Variants in CRTC3 observed in about 807,000 individuals in gnomAD.
CRTC3 encodes CREB regulated transcription coactivator 3, also known as CREB-regulated transcription coactivator 3.
Under a neutral mutation model 74.5 loss-of-function variants are expected in CRTC3, and 26 were observed. The observed-to-expected ratio is 0.35, with a 90% confidence interval of 0.26 to 0.48. The LOEUF is 0.48. Among genes scored for constraint, CRTC3 ranks in the 20% least tolerant of loss-of-function variants. The pLI is 0.99. For synonymous variants in CRTC3, 377 were observed against 325.8 expected (o/e 1.16, Z -1.69); for missense variants, 760 against 787.3 (o/e 0.97, Z 0.41).
At chr15:90,580,903 T>C (rs971870241) in intron 2 of CRTC3, among the ~76,000 whole-genome samples, 4 of 152,026 alleles carry the variant, frequency 2.6e-5, no homozygotes, top group Admixed American at 6.5e-5. Context: ...CTTACCATGA[T>C]GAATTAAAAA....
intron 2 of CRTC3, among the ~76,000 whole-genome samples, chr15:90,560,684 A>G (rs1372852766): frequency 6.6e-6 from 1 of 152,178 alleles, no homozygotes; most frequent in Non-Finnish European, 1.5e-5. Context: ...TGGCTGTCAG[A>G]ACAATAGGGA....
chr15:90,606,546 A>T (rs1245432585), intron 5 of CRTC3, among the ~76,000 whole-genome samples: 1 of 152,186 alleles, frequency 6.6e-6, no homozygotes, highest in Admixed American at 6.5e-5. Context: ...TGGGCAACAG[A>T]GCGAGACTCT....
Position 90,629,407 on chromosome 15 carries a change from G to A in CRTC3, c.1141G>A (p.Gly381Ser), listed in dbSNP as rs753333935. 7.4e-6 allele frequency: 12 copies of A among 1,613,674 alleles called. No homozygotes were observed. The highest frequency in any genetic ancestry group is 1.7e-5 in the Admixed American group (1 of 59,936). The part of the protein sequence containing the change: ...NPSLSTTNLS[G>S]PSRRRQPPVS... The stretch of plus-strand genomic sequence containing the variant: ...ATCTCTTTCCACCACAAACCTGAGC[G>A]GCCCGTCTCGGCGTCGGCAGCCTCC... Residue 381 changes from glycine to serine, a missense_variant, in exon 11 of 15, where the codon GGC becomes AGC. By Grantham distance (56) the Gly-to-Ser change is moderately conservative (BLOSUM62 0). This residue lies in a region of CRTC3 where 652 missense variants were observed against 635.2 expected (regional missense o/e 1.03). Coordinates refer to ENST00000268184, the MANE Select transcript of CRTC3 (RefSeq NM_022769.5).
intron 10 of CRTC3, among the ~76,000 whole-genome samples, chr15:90,627,967 C>G (rs1449546633): frequency 6.8e-6 from 1 of 146,408 alleles, no homozygotes; most frequent in Non-Finnish European, 1.5e-5. Context: ...CCTGTAATCC[C>G]GGCACTTTGG....
chr15:90,636,794 C>G (rs566556056), intron 11 of CRTC3, among the ~76,000 whole-genome samples: 2 of 152,198 alleles, frequency 1.3e-5, no homozygotes, highest in South Asian at 2.1e-4. Flanking sequence ...CTAAAAGACA[C>G]ATGAAAAAAT....
At chr15:90,628,314 T>A (rs1968914280) in intron 10 of CRTC3, among the ~76,000 whole-genome samples, 1 of 152,170 alleles carries the variant, frequency 6.6e-6, no homozygotes, top group South Asian at 2.1e-4. Flanking sequence ...AACACTTAAA[T>A]TTTTTGTCAA....
At chr15:90,637,176 T>G (rs1335520343) in intron 11 of CRTC3, among the ~76,000 whole-genome samples, 2 of 152,242 alleles carry the variant, frequency 1.3e-5, no homozygotes, top group Admixed American at 6.5e-5. Flanking sequence ...AACGATAGAC[T>G]GGATTAAGAA....
chr15:90,561,063 G>T (rs762874033), intron 2 of CRTC3, among the ~76,000 whole-genome samples: 1 of 152,144 alleles, frequency 6.6e-6, no homozygotes, highest in African/African-American at 2.4e-5. Flanking sequence ...GCACTGGATC[G>T]TAGACAAGAT....
intron 2 of CRTC3, among the ~76,000 whole-genome samples, chr15:90,556,533 A>G (rs1966893663): frequency 6.6e-6 from 1 of 152,234 alleles, no homozygotes; most frequent in African/African-American, 2.4e-5. Context: ...AGTAGTTTGC[A>G]TATTTACTGA....
At chr15:90,544,636 G>A (rs575293376) in intron 2 of CRTC3, among the ~76,000 whole-genome samples, 1 of 152,258 alleles carries the variant, frequency 6.6e-6, no homozygotes, top group East Asian at 1.9e-4. Flanking sequence ...TATGTAAGTA[G>A]CTAGTAGTGG....
intron 1 of CRTC3, among the ~76,000 whole-genome samples, chr15:90,532,069 T>G (rs1966636560): frequency 6.6e-6 from 1 of 152,164 alleles, no homozygotes; most frequent in African/African-American, 2.4e-5. Context: ...CACCACTTTA[T>G]TCTAATTACT....
chr15:90,639,883 T>C (rs1331621208), intron 13 of CRTC3, among the ~76,000 whole-genome samples: 19 of 151,546 alleles, frequency 1.3e-4, no homozygotes, highest in Admixed American at 1.2e-3. Flanking sequence ...TTGTCTCTAC[T>C]AAAAAATACA....
chr15:90,644,776 A>T lies in CRTC3; in HGVS notation c.*2636A>T, dbSNP rs902810396. On this transcript the variant is annotated 3_prime_UTR_variant, in exon 15 of 15. Coordinates refer to ENST00000268184, the MANE Select transcript of CRTC3 (RefSeq NM_022769.5). ...TCACTGCGGCCTTTGTAACAAAACC[A>T]GTTGTGGTCCTCAGCATTTGAAGCA... is the stretch of plus-strand genomic sequence containing the variant. 1.3e-5 allele frequency: 3 copies of T among 232,546 alleles called. No individual in the cohort carries two copies. Among genetic ancestry groups the T allele is most frequent in the African/African-American group, 6.6e-5 (3 of 45,316 alleles). The allele number at this position is 232,546 out of a possible 1,614,324, so 14.4% of individuals were successfully genotyped here. A position where few individuals can be genotyped will look rare whatever the true frequency, so the allele number is the denominator to read the frequency against.
chr15:90,635,416 G>C (rs7166787), intron 11 of CRTC3, among the ~76,000 whole-genome samples: 1 of 151,810 alleles, frequency 6.6e-6, no homozygotes, highest in South Asian at 2.1e-4. Context: ...AGGCCGAGGC[G>C]GGTGGATCAC....
chr15:90,603,195 G>A (rs1363627040), intron 4 of CRTC3, among the ~76,000 whole-genome samples: 1 of 152,014 alleles, frequency 6.6e-6, no homozygotes, highest in Non-Finnish European at 1.5e-5. Flanking sequence ...TGTAATCCCA[G>A]CACTTTGGGA....
chr15:90,531,431 G>C (rs1182632872), intron 1 of CRTC3, among the ~76,000 whole-genome samples: 1 of 152,114 alleles, frequency 6.6e-6, no homozygotes, highest in Non-Finnish European at 1.5e-5. Context: ...AGTCCCCCAA[G>C]GGGAGATTAG....
intron 11 of CRTC3, among the ~76,000 whole-genome samples, chr15:90,630,768 T>TATTGG (rs1190137120): frequency 2.1e-3 from 19 of 8,976 alleles, no homozygotes; most frequent in Non-Finnish European, 2.9e-3. Context: ...TTTTTTTTTT[T>TATTGG]TTTTTTTTTT....
At chr15:90,621,742 C>T (rs1225201066) in intron 9 of CRTC3, among the ~76,000 whole-genome samples, 1 of 152,204 alleles carries the variant, frequency 6.6e-6, no homozygotes, top group African/African-American at 2.4e-5. Flanking sequence ...CATGCCTGGC[C>T]AACCTGGAGA....
intron 13 of CRTC3, among the ~76,000 whole-genome samples, chr15:90,640,800 AT>A (rs1969410660): frequency 1.3e-5 from 2 of 151,800 alleles, no homozygotes; most frequent in African/African-American, 4.9e-5. Context: ...CTGAGGACAG[AT>A]GTCTGAGGGG....
Sources: allele counts gnomAD v4.1 joint callset (sites outside exome capture counted in the v4.1 genomes callset), GRCh38; gene constraint gnomAD v4.1.1; regional missense constraint gnomAD v4.1.1; transcripts MANE v1.5; gene names NCBI Gene and HGNC (gene_info 2026-07-23, HGNC 2026-07-21).